The following MAF variants were observed in gnomAD, a reference collection of about 807,000 sequenced individuals.
MAF encodes the protein MAF bZIP transcription factor.
In MAF, 10 loss-of-function variants were observed where a neutral mutation model predicts 22.0. The observed-to-expected ratio is 0.45, with a 90% CI of 0.28 to 0.77. MAF has a LOEUF of 0.77. MAF is among the 30% of genes least tolerant of loss of function. The pLI is 0.12. For synonymous variants in MAF, 337 were observed against 255.8 expected (o/e 1.32, Z -3.03); for missense variants, 544 against 548.4 (o/e 0.99, Z 0.08).
At chr16:79,453,203 G>A in the MAF span, among the ~76,000 whole-genome samples, 1 of 152,078 alleles carries the variant, frequency 6.6e-6, no homozygotes, top group East Asian at 1.9e-4. Flanking sequence ...GCCTTTATCT[G>A]CCTCTATTCT....
the MAF span, among the ~76,000 whole-genome samples, chr16:79,280,317 C>T: frequency 6.6e-6 from 1 of 152,198 alleles, no homozygotes; most frequent in Non-Finnish European, 1.5e-5. Context: ...TTTGTGGGGA[C>T]TGGATCAAGA....
chr16:79,291,389 A>T, the MAF span, among the ~76,000 whole-genome samples: 1 of 152,230 alleles, frequency 6.6e-6, no homozygotes, highest in Middle Eastern at 3.4e-3. Context: ...TTTCCATTGT[A>T]CAGCCACTTT....
the MAF span, among the ~76,000 whole-genome samples, chr16:79,372,926 C>G: frequency 6.6e-6 from 1 of 152,176 alleles, no homozygotes; most frequent in African/African-American, 2.4e-5. Flanking sequence ...CTTTCCTCCC[C>G]TCTTAATGCC....
the MAF span, among the ~76,000 whole-genome samples, chr16:79,331,082 T>A: frequency 1.2e-4 from 18 of 152,326 alleles, no homozygotes; most frequent in South Asian, 3.3e-3. Flanking sequence ...AGTGGGTTTG[T>A]TTGAGGATTG....
chr16:79,402,894 C>T, the MAF span, among the ~76,000 whole-genome samples: 1 of 152,172 alleles, frequency 6.6e-6, no homozygotes, highest in African/African-American at 2.4e-5. Flanking sequence ...TTCAGCTGAG[C>T]CCAGAGATCA....
the MAF span, among the ~76,000 whole-genome samples, chr16:79,497,732 A>G: frequency 2.6e-5 from 4 of 152,232 alleles, no homozygotes; most frequent in Non-Finnish European, 5.9e-5. Context: ...ATAGTCATGA[A>G]TTGCTGAGTG....
the MAF span, among the ~76,000 whole-genome samples, chr16:79,347,245 C>T: frequency 6.6e-6 from 1 of 152,210 alleles, no homozygotes; most frequent in Non-Finnish European, 1.5e-5. Context: ...CACGTGTGGG[C>T]GTGCAGATGT....
At chr16:79,543,423 G>C in the MAF span, among the ~76,000 whole-genome samples, 5 of 152,154 alleles carry the variant, frequency 3.3e-5, no homozygotes, top group Admixed American at 1.3e-4. Context: ...AAGATGACAA[G>C]AGCCACTTAC....
At chr16:79,432,566 T>C in the MAF span, among the ~76,000 whole-genome samples, 4 of 152,218 alleles carry the variant, frequency 2.6e-5, no homozygotes, top group South Asian at 8.3e-4. Flanking sequence ...CCACAGTAAC[T>C]GAAACAGTAC....
chr16:79,351,320 G>C, the MAF span, among the ~76,000 whole-genome samples: 2 of 152,196 alleles, frequency 1.3e-5, no homozygotes, highest in South Asian at 2.1e-4. Flanking sequence ...TCTCTACTAA[G>C]TGGGAAAGGC....
At chr16:79,434,717 A>C in the MAF span, among the ~76,000 whole-genome samples, 2 of 152,042 alleles carry the variant, frequency 1.3e-5, no homozygotes. Flanking sequence ...TCATTCATAC[A>C]TATTTTATTT....
chr16:79,344,904 C>T, the MAF span, among the ~76,000 whole-genome samples: 2 of 152,128 alleles, frequency 1.3e-5, no homozygotes, highest in Non-Finnish European at 2.9e-5. Context: ...TAACTTTAAA[C>T]AAATGTATTC....
chr16:79,420,668 G>A, the MAF span, among the ~76,000 whole-genome samples: 6 of 152,148 alleles, frequency 3.9e-5, no homozygotes, highest in African/African-American at 1.4e-4. Context: ...CCTTTTCCAA[G>A]GCCTCTTTCC....
chr16:79,445,233 T>C, the MAF span, among the ~76,000 whole-genome samples: 245 of 150,830 alleles, frequency 1.6e-3, no homozygotes, highest in African/African-American at 4.5e-3. Flanking sequence ...TTAGTAGAGA[T>C]GGGGTTTCAC....
chr16:79,432,184 G>C, the MAF span, among the ~76,000 whole-genome samples: 1 of 152,126 alleles, frequency 6.6e-6, no homozygotes, highest in Non-Finnish European at 1.5e-5. Flanking sequence ...GATGGTTTTA[G>C]AAGCATCTGG....
the MAF span, among the ~76,000 whole-genome samples, chr16:79,338,878 C>G: frequency 3.3e-5 from 5 of 152,106 alleles, no homozygotes; most frequent in Admixed American, 2.0e-4. Context: ...GCCAAGATGG[C>G]TAGCTGGCCA....
the MAF span, among the ~76,000 whole-genome samples, chr16:79,348,076 T>C: frequency 6.6e-6 from 1 of 152,244 alleles, no homozygotes; most frequent in Admixed American, 6.5e-5. Flanking sequence ...GTGTGACCTT[T>C]TCCTGCTAAT....
chr16:79,259,667 C>T, the MAF span, among the ~76,000 whole-genome samples: 3 of 152,064 alleles, frequency 2.0e-5, no homozygotes, highest in South Asian at 4.1e-4. Context: ...AATTTGCTTC[C>T]CCAGAGAAGA....
the MAF span, chr16:79,206,487 T>C: frequency 6.6e-6 from 1 of 152,226 alleles, no homozygotes; most frequent in African/African-American, 2.4e-5. Context: ...CCCTGGCTCA[T>C]AGAGCTCTGT....
Sources: gnomAD v4.1 joint callset for allele counts (sites outside exome capture counted in the v4.1 genomes callset) on GRCh38, gnomAD v4.1.1 for gene constraint, MANE v1.5 for transcripts, NCBI Gene and HGNC (gene_info 2026-07-23, HGNC 2026-07-21) for gene names.